The following ADGRL4 variants were observed in gnomAD, a reference collection of about 807,000 sequenced individuals.
ADGRL4 encodes the protein EGF, latrophilin and seven transmembrane domain containing 1.
Under a neutral mutation model 74.8 loss-of-function variants are expected in ADGRL4, and 90 were observed. That is an observed-to-expected ratio of 1.20 (90% CI 1.02 to 1.43). The LOEUF (loss-of-function observed/expected upper bound fraction) is 1.43. ADGRL4 is among the 40% of genes most tolerant of loss of function. The pLI, the probability that ADGRL4 is intolerant of heterozygous loss-of-function variation, is 0.00. For synonymous variants in ADGRL4, 311 were observed against 279.2 expected (o/e 1.11, Z -1.14); for missense variants, 881 against 814.3 (o/e 1.08, Z -1.00).
chr1:78,963,188 T>G (rs575059724), intron 2 of ADGRL4, among the ~76,000 whole-genome samples: 2 of 152,362 alleles, frequency 1.3e-5, no homozygotes, highest in East Asian at 3.9e-4. Flanking sequence ...GGTATAAATA[T>G]GTCAAACATC....
chr1:78,990,749 A>G (rs1650591866), intron 2 of ADGRL4, among the ~76,000 whole-genome samples: 1 of 151,972 alleles, frequency 6.6e-6, no homozygotes, highest in African/African-American at 2.4e-5. Context: ...TAACACTAAA[A>G]TCAAGCATCT....
chr1:78,959,848 C>G (rs936663084), intron 2 of ADGRL4, among the ~76,000 whole-genome samples: 2 of 152,052 alleles, frequency 1.3e-5, no homozygotes, highest in African/African-American at 4.8e-5. Context: ...ATATATTTTC[C>G]CATGAACCTT....
In ADGRL4 at chr1:78,889,900, T is replaced by G. The variant is rs531746966; in HGVS notation, c.*1254A>C. On this transcript the variant is annotated 3_prime_UTR_variant, in exon 15 of 15. Transcript: ENST00000370742. ...GTCGGCAAAGAAAAATTACCTATTT[T>G]TGAGATCAAAATCACTGCTTATACA... The G allele has an allele frequency of 2.2e-6, 1 of 445,876 alleles. No individual in the cohort carries two copies. Among genetic ancestry groups the G allele is most frequent in the African/African-American group, 2.0e-5 (1 of 48,998 alleles). The allele number at this position is 445,876 out of a possible 1,614,324, so 27.6% of individuals were successfully genotyped here.
chr1:78,980,198 C>CACACACA (rs1557519572), intron 2 of ADGRL4, among the ~76,000 whole-genome samples: 2 of 150,950 alleles, frequency 1.3e-5, no homozygotes, highest in African/African-American at 4.9e-5. Context: ...ACACACACAC[C>CACACACA]CACACACCAG....
chr1:78,982,196 A>G (rs1650409481), intron 2 of ADGRL4, among the ~76,000 whole-genome samples: 1 of 151,884 alleles, frequency 6.6e-6, no homozygotes, highest in Middle Eastern at 3.2e-3. Context: ...TTGTATTTGC[A>G]AACACTCTAT....
intron 2 of ADGRL4, among the ~76,000 whole-genome samples, chr1:78,958,333 C>T (rs1649875721): frequency 1.3e-5 from 2 of 151,820 alleles, no homozygotes; most frequent in South Asian, 4.2e-4. Context: ...ATAATGATTC[C>T]TCTGATGGAT....
At chr1:78,962,325 CA>C (rs1377439798) in intron 2 of ADGRL4, among the ~76,000 whole-genome samples, 1 of 152,150 alleles carries the variant, frequency 6.6e-6, no homozygotes. Context: ...TTTTCCTCCA[CA>C]TATGATTTCT....
At chr1:78,977,474 G>A (rs1361276828) in intron 2 of ADGRL4, among the ~76,000 whole-genome samples, 1 of 151,870 alleles carries the variant, frequency 6.6e-6, no homozygotes, top group Non-Finnish European at 1.5e-5. Context: ...TGTCCACAAT[G>A]AAGTTGAATT....
chr1:78,970,670 A>T (rs1420000992), intron 2 of ADGRL4, among the ~76,000 whole-genome samples: 3 of 152,172 alleles, frequency 2.0e-5, no homozygotes, highest in Non-Finnish European at 4.4e-5. Context: ...GATAGGCATT[A>T]ATCTTCAGTC....
chr1:78,963,598 G>A (rs1649997606), intron 2 of ADGRL4, among the ~76,000 whole-genome samples: 1 of 152,056 alleles, frequency 6.6e-6, no homozygotes. Flanking sequence ...TATGACATTT[G>A]TTTATATTTT....
chr1:78,977,181 C>T (rs1036476814), intron 2 of ADGRL4, among the ~76,000 whole-genome samples: 2 of 151,712 alleles, frequency 1.3e-5, no homozygotes, highest in Non-Finnish European at 3.0e-5. Context: ...AAGATATTAT[C>T]TCTATCAATG....
intron 12 of ADGRL4, among the ~76,000 whole-genome samples, chr1:78,897,899 A>T (rs969223316): frequency 6.6e-6 from 1 of 152,122 alleles, no homozygotes; most frequent in Non-Finnish European, 1.5e-5. Context: ...TCCTCTTTTT[A>T]TCCATAAATA....
chr1:78,944,211 G>A (rs1302861737), intron 3 of ADGRL4, among the ~76,000 whole-genome samples: 1 of 152,108 alleles, frequency 6.6e-6, no homozygotes, highest in Non-Finnish European at 1.5e-5. Flanking sequence ...AAAGACAGAT[G>A]TCTTCTACAG....
At chr1:79,005,930 A>C (rs187891606) in intron 1 of ADGRL4, among the ~76,000 whole-genome samples, 7,378 of 151,586 alleles carry the variant, frequency 0.049, 239 homozygotes, top group Non-Finnish European at 0.073. Context: ...AAATGTGAAC[A>C]AAAAAAAATG....
chr1:78,998,034 A>G lies in ADGRL4; in HGVS notation c.172+7036T>C, dbSNP rs1206326675. Among the ~76,000 whole-genome samples, 3 of 152,178 alleles carry G rather than the reference A, an allele frequency of 2.0e-5. 1 individual carries two copies. Among genetic ancestry groups the G allele is most frequent in the African/African-American group, 4.8e-5 (2 of 41,440 alleles). Reference sequence around the variant, plus strand: ...CAAACAACGAGGAATAGAATGTCCAATCTGTGTAGCCTTTGGAAAACAATG... The same window carrying G: ...CAAACAACGAGGAATAGAATGTCCAGTCTGTGTAGCCTTTGGAAAACAATG... On this transcript the variant is annotated intron_variant, in intron 2 of 14. Transcript: ENST00000370742.
chr1:78,966,182 C>T (rs1650052154), intron 2 of ADGRL4, among the ~76,000 whole-genome samples: 1 of 152,130 alleles, frequency 6.6e-6, no homozygotes, highest in South Asian at 2.1e-4. Flanking sequence ...ATGGGAAGTT[C>T]ATGCCCTTTG....
intron 2 of ADGRL4, among the ~76,000 whole-genome samples, chr1:78,947,744 TATTCTGAAG>T (rs1649632885): frequency 6.6e-6 from 1 of 152,192 alleles, no homozygotes. Flanking sequence ...GTGACTGGGA[TATTCTGAAG>T]ATTGTAAGAA....
intron 12 of ADGRL4, among the ~76,000 whole-genome samples, chr1:78,913,641 A>C (rs1344552729): frequency 6.6e-6 from 1 of 151,876 alleles, no homozygotes; most frequent in East Asian, 1.9e-4. Context: ...AGATGGAAGG[A>C]GGGAGAAGAT....
Position 78,939,172 on chromosome 1 carries a change from T to G in ADGRL4, c.396+16A>C. On this transcript the variant is annotated intron_variant, in intron 4 of 14. Coordinates refer to ENST00000370742, the MANE Select transcript of ADGRL4 (RefSeq NM_022159.4). The stretch of plus-strand genomic sequence containing the variant: ...AAAATGTCAAAATAAAATAAATTGT[T>G]AACTGTTCTACTTACTTTTGTTAAA... 1.3e-6 allele frequency: 2 copies of G among 1,544,696 alleles called. No individual in the cohort carries two copies. Among genetic ancestry groups the G allele is most frequent in the Non-Finnish European group, 1.7e-6 (2 of 1,150,538 alleles).
Sources: allele counts gnomAD v4.1 joint callset (sites outside exome capture counted in the v4.1 genomes callset), GRCh38; gene constraint gnomAD v4.1.1; transcripts MANE v1.5; gene names NCBI Gene and HGNC (gene_info 2026-07-23, HGNC 2026-07-21).